LLPH: variants seen among roughly 807,000 people sequenced by gnomAD.
LLPH encodes LLP homolog, long-term synaptic facilitation factor, also known as protein LLP homolog.
A neutral mutation model predicts 13.3 loss-of-function variants in LLPH; 5 were observed. The ratio of observed to expected loss-of-function variants is 0.38; its 90% CI spans 0.20 to 0.79. The LOEUF is 0.79. Among genes scored for constraint, LLPH ranks in the 30% least tolerant of loss-of-function variants. LLPH has a pLI of 0.45. For synonymous variants in LLPH, 32 were observed against 44.2 expected (o/e 0.72, Z 1.09); for missense variants, 129 against 152.1 (o/e 0.85, Z 0.80).
At chr12:66,125,189 A>C (rs2051488725) in intron 2 of LLPH, among the ~76,000 whole-genome samples, 1 of 152,256 alleles carries the variant, frequency 6.6e-6, no homozygotes, top group Non-Finnish European at 1.5e-5. Context: ...GATATGTAGA[A>C]GATAAATGAG....
At chr12:66,125,197 G>A (rs2051488794) in intron 2 of LLPH, among the ~76,000 whole-genome samples, 1 of 152,196 alleles carries the variant, frequency 6.6e-6, no homozygotes, top group African/African-American at 2.4e-5. Flanking sequence ...GAAGATAAAT[G>A]AGAAGGGAAC....
intron 2 of LLPH, among the ~76,000 whole-genome samples, chr12:66,125,624 A>G (rs182822606): frequency 1.1e-4 from 16 of 151,446 alleles, no homozygotes; most frequent in African/African-American, 3.1e-4. Flanking sequence ...GATGATGAGG[A>G]AAAAAAAAGA....
At position 66,122,552 on chromosome 12, in the gene LLPH, G is replaced by C. The variant is rs2051469659; in HGVS notation, c.*1288C>G. The stretch of plus-strand genomic sequence containing the variant: ...TAATCTGATTATAGTGAAATTCAGA[G>C]GGAATGCTAAGTTTAGATTGCTTAA... On this transcript the variant is annotated 3_prime_UTR_variant, in exon 3 of 3. Transcript: ENST00000266604. The C allele has an allele frequency of 6.6e-6, 1 of 152,080 alleles. No homozygotes were observed. The highest frequency in any genetic ancestry group is 2.4e-5 in the African/African-American group (1 of 41,398). The allele number at this position is 152,080 out of a possible 1,614,324, so 9.4% of individuals were successfully genotyped here. A position where few individuals can be genotyped will look rare whatever the true frequency, so the allele number is the denominator to read the frequency against.
Sources: allele counts gnomAD v4.1 joint callset (sites outside exome capture counted in the v4.1 genomes callset), GRCh38; gene constraint gnomAD v4.1.1; transcripts MANE v1.5; gene names NCBI Gene and HGNC (gene_info 2026-07-23, HGNC 2026-07-21).